The following JAG1 variants were observed in gnomAD, a reference collection of about 807,000 sequenced individuals.
JAG1 encodes the protein jagged canonical Notch ligand 1, also known as protein jagged-1.
JAG1 carries 23 observed loss-of-function variants against 148.7 expected under a neutral mutation model. That is an observed-to-expected ratio of 0.15 (90% CI 0.11 to 0.22). JAG1 has a LOEUF of 0.22. JAG1 is among the 10% of genes least tolerant of loss of function. JAG1 has a pLI of 1.00. For missense variants in JAG1, 1,054 were observed against 1,611.2 expected, an observed-to-expected ratio of 0.65 and a Z score of 5.92; for synonymous variants, 572 against 598.3, an observed-to-expected ratio of 0.96 and a Z score of 0.64.
At chr20:10,656,682 G>A (rs1439424366) in intron 4 of JAG1, among the ~76,000 whole-genome samples, 1 of 152,106 alleles carries the variant, frequency 6.6e-6, no homozygotes, top group Non-Finnish European at 1.5e-5. Flanking sequence ...ATTGTTTGGG[G>A]ACAAAATGCA....
In JAG1 at chr20:10,656,385, C is replaced by T. The variant is rs1336664894; in HGVS notation, c.755+13G>A. On this transcript the variant is annotated intron_variant, in intron 5 of 25. Coordinates refer to ENST00000254958, the MANE Select transcript of JAG1 (RefSeq NM_000214.3). ...AAATTAAAAGAAATCTCACAAAAGACCAGTTGATTTACCTGCAGTCACCTG... is the reference window on the plus strand; with the variant it reads ...AAATTAAAAGAAATCTCACAAAAGATCAGTTGATTTACCTGCAGTCACCTG... 1 of 1,605,674 alleles carries T rather than the reference C, an allele frequency of 6.2e-7. No homozygotes were observed. Among genetic ancestry groups the T allele is most frequent in the South Asian group, 1.1e-5 (1 of 90,904 alleles).
intron 2 of JAG1, among the ~76,000 whole-genome samples, chr20:10,671,846 A>T (rs575289708): frequency 1.3e-4 from 20 of 152,108 alleles, no homozygotes; most frequent in Admixed American, 7.2e-4. Flanking sequence ...TTGGGGGCGG[A>T]ATGGGGCGGG....
Position 10,641,147 on chromosome 20 carries a change from G to C in JAG1, c.3014C>G (p.Ser1005Cys). 1 of 1,614,054 alleles carries C rather than the reference G, an allele frequency of 6.2e-7. No individual in the cohort carries two copies. The highest frequency in any genetic ancestry group is 8.5e-7 in the Non-Finnish European group (1 of 1,180,028). ...ATGTATTTCATTGTTCGCTGAAGGG[G>C]AAGGCTCGCAAGCGATGTAGATTGA... is the stretch of plus-strand genomic sequence containing the variant. ...EYSIYIACEP[S>C]PSANNEIHVA... The change falls in exon 24 of 26, where the codon TCC becomes TGC. Residue 1005 changes from serine (S) to cysteine (C), a missense_variant. Transcript: ENST00000254958.
intron 8 of JAG1, chr20:10,650,910 G>GC (rs1441408043): frequency 6.1e-6 from 1 of 163,154 alleles, no homozygotes; most frequent in Non-Finnish European, 1.3e-5. Context: ...TTTAAAGAGG[G>GC]CCCGGGGAGC....
intron 25 of JAG1, 121 bp from the exon 26 acceptor site, chr20:10,640,076 G>A: frequency 3.8e-6 from 3 of 786,960 alleles, no homozygotes; most frequent in Non-Finnish European, 6.5e-6. Flanking sequence ...GGGGGCCACA[G>A]GGACAAGTCC....
intron 2 of JAG1, among the ~76,000 whole-genome samples, chr20:10,665,732 T>C (rs2067449508): frequency 6.6e-6 from 1 of 152,174 alleles, no homozygotes; most frequent in Non-Finnish European, 1.5e-5. Context: ...ATTAAATGCA[T>C]TGATACCAGG....
rs371165309 is a variant in JAG1, at chr20:10,652,222, C to T, written c.915G>A (p.Pro305=). The T allele has an allele frequency of 5.0e-6, 8 of 1,613,914 alleles. No homozygotes were observed. In the East Asian group the frequency reaches 6.7e-5, roughly 13 times the overall value. The change falls in exon 7 of 26, where the codon CCG becomes CCA. Residue 305 remains proline, a synonymous_variant. Coordinates refer to ENST00000254958, the MANE Select transcript of JAG1 (RefSeq NM_000214.3). ...KDLNYCGTHQ[P]CLNGGTCSNT... ...TGCTACAAGTTCCCCCGTTGAGACA[C>T]GGCTGATGAGTCCCACAGTAATTGA...
chr20:10,673,523 G>C lies in JAG1; in HGVS notation c.8C>G (p.Ser3Cys). The C allele has an allele frequency of 8.0e-7, 1 of 1,253,556 alleles. No individual in the cohort carries two copies. The allele number at this position is 1,253,556 out of a possible 1,614,324, so 77.7% of individuals were successfully genotyped here. Reference sequence around the variant, plus strand: ...CCCGGACCGGCCGCGCGTCCGTGGGGAACGCATCGCTGCGCCGCGCGCCGC... The same window carrying C: ...CCCGGACCGGCCGCGCGTCCGTGGGCAACGCATCGCTGCGCCGCGCGCCGC... The part of the protein sequence containing the change: MR[S>C]PRTRGRSGRP... The change falls in exon 1 of 26, where the codon TCC becomes TGC. Residue 3 changes from serine to cysteine, a missense_variant. Ser to Cys is a moderately radical substitution (Grantham distance 112). Around this residue, in one of 6 missense-constraint regions of JAG1, gnomAD observed 151 missense variants for 211.1 expected, o/e 0.72. Coordinates refer to ENST00000254958, the MANE Select transcript of JAG1 (RefSeq NM_000214.3). The surrounding 1 kb of genome is among the most constrained non-coding windows in gnomAD (Gnocchi z 4.7).
intron 3 of JAG1, among the ~76,000 whole-genome samples, chr20:10,659,034 C>T (rs906539291): frequency 2.6e-5 from 4 of 151,776 alleles, no homozygotes; most frequent in African/African-American, 7.3e-5. Context: ...ATTCCTTGAA[C>T]GTATCTGCCT....
rs562655817 is a variant in JAG1, at chr20:10,639,100, A to G, written c.*398T>C. ...TCAAATACAGAACTACTTGTACGTC[A>G]TCATAAAACCAATATACAAAAACAA... On this transcript the variant is annotated 3_prime_UTR_variant, in exon 26 of 26. Transcript: ENST00000254958. The G allele has an allele frequency of 6.0e-5, 14 of 235,130 alleles. No individual in the cohort carries two copies. In the East Asian group the frequency reaches 1.3e-3, roughly 21 times the overall value. 14.6% of individuals were successfully genotyped at this position (235,130 alleles called of 1,614,324 possible). A position where few individuals can be genotyped will look rare whatever the true frequency, so the allele number is the denominator to read the frequency against.
chr20:10,649,705 A>G lies in JAG1; in HGVS notation c.1235-70T>C, dbSNP rs750090681. The G allele has an allele frequency of 5.8e-6, 5 of 855,518 alleles. No homozygotes were observed. In the East Asian group the frequency reaches 7.7e-5, roughly 13 times the overall value. The allele number at this position is 855,518 out of a possible 1,614,324, so 53.0% of individuals were successfully genotyped here. On this transcript the variant is annotated intron_variant, in intron 9 of 25. Transcript: ENST00000254958. ...CATCTCCCCCACCTTGGAAAAAAAAAGAACAGGCCAGAGTTTGTCTGAGAC... is the reference window on the plus strand; with the variant it reads ...CATCTCCCCCACCTTGGAAAAAAAAGGAACAGGCCAGAGTTTGTCTGAGAC...
At chr20:10,668,581 C>T (rs1439798124) in intron 2 of JAG1, among the ~76,000 whole-genome samples, 1 of 152,144 alleles carries the variant, frequency 6.6e-6, no homozygotes, top group Non-Finnish European at 1.5e-5. Context: ...ACAATGGGGC[C>T]AGTGGGTGAT....
rs771304287 is a variant in JAG1 at position 10,648,012 on chromosome 20, C to T, written c.1668G>A (p.Glu556=). 1.1e-5 allele frequency: 18 copies of T among 1,614,050 alleles called. No individual in the cohort carries two copies. Among genetic ancestry groups the T allele is most frequent in the East Asian group, 4.5e-5 (2 of 44,894 alleles). ...CTTTCAGGTGTGAGCAGTTCTTGCC[C>T]TCATAGTCCTCGGGGCACTTGCAGA... ...DYFCKCPEDY[E]GKNCSHLKDH... The change falls in exon 13 of 26, where the codon GAG becomes GAA. Residue 556 remains glutamate, a synonymous_variant. Transcript: ENST00000254958.
Position 10,663,952 on chromosome 20 carries a change from G to A in JAG1, c.439+11C>T. ...TGTGTTTAGAGAAAAGTCCACAGAAGCGATACTTACGAACGGTGTCATTAC... is the reference window on the plus strand; with the variant it reads ...TGTGTTTAGAGAAAAGTCCACAGAAACGATACTTACGAACGGTGTCATTAC... On this transcript the variant is annotated intron_variant, in intron 3 of 25. Transcript: ENST00000254958. 1 of 1,611,354 alleles carries A rather than the reference G, an allele frequency of 6.2e-7. No individual in the cohort carries two copies. The highest frequency in any genetic ancestry group is 8.5e-7 in the Non-Finnish European group (1 of 1,177,478).
intron 25 of JAG1, 130 bp from the exon 26 acceptor site, chr20:10,640,085 C>T: frequency 1.3e-6 from 1 of 752,486 alleles, no homozygotes; most frequent in Admixed American, 2.0e-5. Flanking sequence ...AGGGACAAGT[C>T]CCTTTTCATC....
intron 20 of JAG1, 21 bp downstream of exon 20, chr20:10,643,757 C>A (rs1456644924): frequency 1.2e-6 from 2 of 1,604,248 alleles, no homozygotes; most frequent in Non-Finnish European, 1.7e-6. Flanking sequence ...ATTGGGAAAA[C>A]CAGACGGAGA....
intron 3 of JAG1, chr20:10,662,239 C>A (rs1450412306): frequency 6.6e-6 from 1 of 152,020 alleles, no homozygotes; most frequent in Non-Finnish European, 1.5e-5. Flanking sequence ...ATTTGATTAC[C>A]CCCCCAGGAG....
chr20:10,646,306 A>T (rs1340690352), intron 14 of JAG1: 5 of 554,308 alleles, frequency 9.0e-6, no homozygotes, highest in Non-Finnish European at 1.3e-5. Flanking sequence ...GCATTTAGTC[A>T]CCGGTACTAG....
chr20:10,642,340 G>C (rs2067278155), intron 21 of JAG1, 148 bp downstream of exon 21: 4 of 693,930 alleles, frequency 5.8e-6, no homozygotes, highest in African/African-American at 3.5e-5. Context: ...CTGTTTTGGG[G>C]AAGACTCTTC....
Sources: allele counts gnomAD v4.1 joint callset (sites outside exome capture counted in the v4.1 genomes callset), GRCh38; gene constraint gnomAD v4.1.1; regional missense constraint gnomAD v4.1.1; non-coding constraint Gnocchi (gnomAD v3.1); transcripts MANE v1.5; gene names NCBI Gene and HGNC (gene_info 2026-07-23, HGNC 2026-07-21).